Variants in FBXW8 observed in about 807,000 individuals in gnomAD.
FBXW8 encodes F-box and WD repeat domain containing 8.
A neutral mutation model predicts 65.3 loss-of-function variants in FBXW8; 57 were observed. The observed-to-expected ratio is 0.87, with a 90% CI of 0.71 to 1.09. The LOEUF is 1.09. Ranked by LOEUF, FBXW8 falls within the 50% of genes least tolerant of loss-of-function variation. The pLI, the probability that FBXW8 is intolerant of heterozygous loss-of-function variation, is 0.00. For synonymous variants in FBXW8, 308 were observed against 330.2 expected (o/e 0.93, Z 0.73); for missense variants, 777 against 814.8 (o/e 0.95, Z 0.57).
intron 7 of FBXW8, among the ~76,000 whole-genome samples, chr12:116,993,828 G>T (rs1953310745): frequency 6.6e-6 from 1 of 152,164 alleles, no homozygotes; most frequent in Non-Finnish European, 1.5e-5. Context: ...CCAATGTCCA[G>T]AAGAGTCTTT....
chr12:116,938,260 TTC>T (rs1882298756), intron 2 of FBXW8, among the ~76,000 whole-genome samples: 1 of 152,320 alleles, frequency 6.6e-6, no homozygotes, highest in Admixed American at 6.5e-5. Context: ...GTTGACACAT[TTC>T]TGTTTTTAAT....
At chr12:116,954,593 A>G (rs1182876629) in intron 4 of FBXW8, among the ~76,000 whole-genome samples, 1 of 152,202 alleles carries the variant, frequency 6.6e-6, no homozygotes, top group East Asian at 1.9e-4. Context: ...TTGAAATTCT[A>G]TATAAGTATA....
At chr12:116,941,924 A>C (rs1032424081) in intron 2 of FBXW8, among the ~76,000 whole-genome samples, 1 of 151,492 alleles carries the variant, frequency 6.6e-6, no homozygotes, top group African/African-American at 2.4e-5. Context: ...TGCACCAAAA[A>C]CTCTGCTCTG....
chr12:116,915,225 G>A (rs904509078), intron 1 of FBXW8, among the ~76,000 whole-genome samples: 1 of 152,238 alleles, frequency 6.6e-6, no homozygotes, highest in Non-Finnish European at 1.5e-5. Flanking sequence ...TAGGCTGGGT[G>A]TTGCACATTA....
intron 9 of FBXW8, among the ~76,000 whole-genome samples, chr12:117,025,034 C>T (rs1327985555): frequency 6.6e-6 from 1 of 152,152 alleles, no homozygotes; most frequent in Non-Finnish European, 1.5e-5. Context: ...ACCTTCAAAG[C>T]AGCAGCCCAG....
intron 7 of FBXW8, among the ~76,000 whole-genome samples, chr12:117,008,407 T>G (rs561686419): frequency 6.6e-6 from 1 of 152,360 alleles, no homozygotes; most frequent in East Asian, 1.9e-4. Flanking sequence ...CTTGGAAGAA[T>G]AAATTTACTC....
intron 5 of FBXW8, among the ~76,000 whole-genome samples, chr12:116,974,927 G>A (rs947487049): frequency 6.6e-6 from 1 of 152,152 alleles, no homozygotes; most frequent in Non-Finnish European, 1.5e-5. Context: ...TGAAGGTAGG[G>A]CATCTATAGG....
At chr12:117,020,344 T>C (rs1954065061) in intron 8 of FBXW8, among the ~76,000 whole-genome samples, 1 of 152,218 alleles carries the variant, frequency 6.6e-6, no homozygotes, top group Non-Finnish European at 1.5e-5. Context: ...TAAATTATAC[T>C]CTTAGATATG....
chr12:116,970,696 G>C (rs918039698), intron 5 of FBXW8, among the ~76,000 whole-genome samples: 1 of 152,214 alleles, frequency 6.6e-6, no homozygotes, highest in Non-Finnish European at 1.5e-5. Context: ...GCCTTTGAAT[G>C]CAGTAAACAA....
chr12:116,931,455 T>TTTATAGAGATTG (rs1159549195), intron 2 of FBXW8, among the ~76,000 whole-genome samples: 1 of 152,222 alleles, frequency 6.6e-6, no homozygotes, highest in Non-Finnish European at 1.5e-5. Context: ...TGCATTTCAC[T>TTTATAGAGATTG]CACTTTGAGT....
intron 1 of FBXW8, among the ~76,000 whole-genome samples, chr12:116,923,916 T>C (rs750209777): frequency 4.6e-5 from 7 of 152,144 alleles, no homozygotes; most frequent in East Asian, 1.9e-4. Flanking sequence ...GGTTTCACCA[T>C]GTTAGCCAGG....
At chr12:116,964,557 C>A (rs992402374) in intron 4 of FBXW8, 140 bp from the exon 5 acceptor site, 1 of 826,062 alleles carries the variant, frequency 1.2e-6, no homozygotes, top group African/African-American at 1.7e-5. Flanking sequence ...GTTGGAGTCA[C>A]TCATCTAAAC....
chr12:116,992,641 G>A (rs551402527), intron 7 of FBXW8, among the ~76,000 whole-genome samples: 24 of 152,228 alleles, frequency 1.6e-4, no homozygotes, highest in African/African-American at 5.8e-4. Context: ...TTATAAGTGA[G>A]AACATGCTGT....
intron 7 of FBXW8, among the ~76,000 whole-genome samples, chr12:116,999,032 G>A (rs1420055366): frequency 1.3e-5 from 2 of 152,136 alleles, no homozygotes; most frequent in African/African-American, 4.8e-5. Context: ...TTAGAGAGTG[G>A]GTTTGTAATT....
At chr12:116,967,127 TG>T (rs1399181327) in intron 5 of FBXW8, among the ~76,000 whole-genome samples, 5 of 151,618 alleles carry the variant, frequency 3.3e-5, no homozygotes, top group Non-Finnish European at 7.4e-5. Context: ...ATTTTACTCG[TG>T]GGGGGTCCTG....
intron 7 of FBXW8, 44 bp downstream of exon 7, chr12:116,988,913 A>T: frequency 6.5e-7 from 1 of 1,537,276 alleles, no homozygotes; most frequent in South Asian, 1.2e-5. Context: ...AAGAATATAG[A>T]TTTATTTTTT....
At chr12:116,939,038 C>A (rs1260204069) in intron 2 of FBXW8, among the ~76,000 whole-genome samples, 1 of 152,176 alleles carries the variant, frequency 6.6e-6, no homozygotes, top group Non-Finnish European at 1.5e-5. Flanking sequence ...CAAAACATAT[C>A]TTAACTGATT....
intron 5 of FBXW8, among the ~76,000 whole-genome samples, chr12:116,969,037 T>G (rs1270246826): frequency 1.3e-5 from 2 of 152,196 alleles, no homozygotes; most frequent in African/African-American, 4.8e-5. Context: ...GAAATTCACT[T>G]TGTATCTGGG....
intron 3 of FBXW8, among the ~76,000 whole-genome samples, chr12:116,947,039 T>G (rs1161882560): frequency 6.6e-6 from 1 of 152,180 alleles, no homozygotes. Context: ...CTGTGTTTTT[T>G]GCTTCCTCTT....
Sources: gnomAD v4.1 joint callset for allele counts (sites outside exome capture counted in the v4.1 genomes callset) on GRCh38, gnomAD v4.1.1 for gene constraint, MANE v1.5 for transcripts, NCBI Gene and HGNC (gene_info 2026-07-23, HGNC 2026-07-21) for gene names.